The following PUS10 variants were observed in gnomAD, a reference collection of about 807,000 sequenced individuals.
PUS10 encodes the protein tRNA pseudouridine synthase Pus10.
In PUS10, 59 loss-of-function variants were observed where a neutral mutation model predicts 75.0. That is an observed-to-expected ratio of 0.79 (90% CI 0.64 to 0.98). PUS10 has a LOEUF of 0.98. Ranked by LOEUF, PUS10 falls within the 50% of genes least tolerant of loss-of-function variation. PUS10 has a pLI of 0.00. For synonymous variants in PUS10, 219 were observed against 211.6 expected (o/e 1.03, Z -0.30); for missense variants, 650 against 614.4 (o/e 1.06, Z -0.61).
intron 2 of PUS10, chr2:61,010,929 G>C: frequency 6.5e-7 from 1 of 1,538,724 alleles, no homozygotes; most frequent in Non-Finnish European, 8.8e-7. Flanking sequence ...TACCTAATCA[G>C]TTATTATGAG....
Position 60,971,511 on chromosome 2 carries a change from T to C in PUS10, c.503+12A>G. The C allele has an allele frequency of 3.1e-6, 5 of 1,612,780 alleles. No individual in the cohort carries two copies. The highest frequency in any genetic ancestry group is 4.2e-6 in the Non-Finnish European group (5 of 1,178,798). ...TGAATGGTAGTAAAAATTCCCTACC[T>C]AAATTACTTACCCCATTTCCTGTTT... On this transcript the variant is annotated intron_variant, in intron 5 of 17. Coordinates refer to ENST00000316752, the MANE Select transcript of PUS10 (RefSeq NM_144709.4).
At chr2:60,943,549 G>A (rs1002533638) in intron 17 of PUS10, among the ~76,000 whole-genome samples, 2 of 151,152 alleles carry the variant, frequency 1.3e-5, no homozygotes, top group African/African-American at 4.9e-5. Flanking sequence ...ATTATTTACT[G>A]AAAATTTTTT....
intron 1 of PUS10, among the ~76,000 whole-genome samples, chr2:61,012,960 T>C (rs1332947439): frequency 1.4e-5 from 2 of 140,174 alleles, no homozygotes; most frequent in African/African-American, 2.7e-5. Flanking sequence ...CATGAAAAAC[T>C]AGGCAAGGTG....
chr2:60,961,678 T>G, intron 9 of PUS10, 130 bp from the exon 10 acceptor site: 1 of 779,710 alleles, frequency 1.3e-6, no homozygotes, highest in South Asian at 1.6e-5. Context: ...TTCGCAACAA[T>G]ACAGGTCTTG....
chr2:60,947,969 G>T, intron 16 of PUS10, 74 bp downstream of exon 16: 1 of 1,545,294 alleles, frequency 6.5e-7, no homozygotes, highest in Non-Finnish European at 8.9e-7. Flanking sequence ...AGCTGACCCT[G>T]TTTTCTAGGG....
rs780129575 is a variant in PUS10 at position 60,954,168 on chromosome 2, C to T, written c.1058-10G>A. The T allele has an allele frequency of 5.0e-6, 8 of 1,613,740 alleles. No homozygotes were observed. In the East Asian group the frequency reaches 1.1e-4, roughly 22 times the overall value. On this transcript the variant is annotated splice_polypyrimidine_tract_variant and intron_variant, in intron 12 of 17. Transcript: ENST00000316752. ...ATTGCAAAGGGCCTTCCTGGCAGCA[C>T]ACACCCCGTCATGAAACAGAAACGT...
chr2:61,014,678 A>G (rs141112762), intron 1 of PUS10, among the ~76,000 whole-genome samples: 6 of 152,296 alleles, frequency 3.9e-5, no homozygotes, highest in Admixed American at 3.9e-4. Context: ...TTGCATGGCA[A>G]TCTTATGGCA....
chr2:60,961,683 G>A (rs1010158145), intron 9 of PUS10, 135 bp from the exon 10 acceptor site: 3 of 739,170 alleles, frequency 4.1e-6, no homozygotes, highest in South Asian at 1.6e-5. Flanking sequence ...AACAATACAG[G>A]TCTTGCAGGC....
intron 4 of PUS10, among the ~76,000 whole-genome samples, chr2:60,999,724 T>G (rs929624950): frequency 6.6e-6 from 1 of 152,196 alleles, no homozygotes; most frequent in African/African-American, 2.4e-5. Context: ...GTGCACACTT[T>G]CTTTCTATGT....
chr2:60,983,065 T>C (rs887940043), intron 4 of PUS10, among the ~76,000 whole-genome samples: 63 of 152,268 alleles, frequency 4.1e-4, no homozygotes, highest in African/African-American at 1.4e-3. Flanking sequence ...AGCTAATTTT[T>C]TGTCTTGGTA....
chr2:61,004,983 A>G (rs1679110257), intron 4 of PUS10, among the ~76,000 whole-genome samples: 1 of 152,150 alleles, frequency 6.6e-6, no homozygotes, highest in African/African-American at 2.4e-5. Context: ...GGCCGGGCAC[A>G]GTGACTCATG....
intron 1 of PUS10, among the ~76,000 whole-genome samples, chr2:61,014,571 A>C (rs531669031): frequency 6.6e-6 from 1 of 152,340 alleles, no homozygotes; most frequent in African/African-American, 2.4e-5. Flanking sequence ...AAAAATTCAA[A>C]CAACCTAATT....
At chr2:60,951,035 C>T (rs942613562) in intron 15 of PUS10, among the ~76,000 whole-genome samples, 6 of 152,156 alleles carry the variant, frequency 3.9e-5, no homozygotes, top group South Asian at 2.1e-4. Flanking sequence ...CTTAGTGTTA[C>T]GTCAACCTTT....
intron 1 of PUS10, chr2:61,017,638 T>C: frequency 1.4e-6 from 1 of 714,800 alleles, no homozygotes; most frequent in South Asian, 1.8e-5. Flanking sequence ...TTGTCCTGAC[T>C]GCAAGGGTGG....
chr2:60,968,799 C>A (rs892996753), intron 5 of PUS10, among the ~76,000 whole-genome samples: 3 of 152,006 alleles, frequency 2.0e-5, no homozygotes, highest in African/African-American at 7.2e-5. Context: ...ATTGAAATAC[C>A]CAGATAAACT....
Position 60,942,357 on chromosome 2 carries a change from G to T in PUS10, c.*38C>A. 6.3e-7 allele frequency: 1 copy of T among 1,591,728 alleles called. No homozygotes were observed. Among genetic ancestry groups the T allele is most frequent in the East Asian group, 2.2e-5 (1 of 44,776 alleles). On this transcript the variant is annotated 3_prime_UTR_variant, in exon 18 of 18. Coordinates refer to ENST00000316752, the MANE Select transcript of PUS10 (RefSeq NM_144709.4). ...TGTGCTCCATGGATGTCCACATCAT[G>T]CCAGGAAAACCATACTCTTTGTCTC...
intron 16 of PUS10, among the ~76,000 whole-genome samples, chr2:60,946,410 G>T (rs1674947928): frequency 6.6e-6 from 1 of 152,154 alleles, no homozygotes; most frequent in Non-Finnish European, 1.5e-5. Flanking sequence ...TTAAGTACAT[G>T]TACATGGCTT....
intron 4 of PUS10, among the ~76,000 whole-genome samples, chr2:60,982,959 G>A (rs993902968): frequency 1.3e-5 from 2 of 151,926 alleles, no homozygotes; most frequent in Non-Finnish European, 2.9e-5. Context: ...CAGCTGAATT[G>A]TATTCCCTTC....
At chr2:60,967,235 G>A (rs1006820584) in intron 6 of PUS10, 4 of 293,336 alleles carry the variant, frequency 1.4e-5, no homozygotes, top group Non-Finnish European at 2.5e-5. Context: ...TCAAGGCAAA[G>A]ATTCATTTCT....
Sources: gnomAD v4.1 joint callset for allele counts (sites outside exome capture counted in the v4.1 genomes callset) on GRCh38, gnomAD v4.1.1 for gene constraint, MANE v1.5 for transcripts, NCBI Gene and HGNC (gene_info 2026-07-23, HGNC 2026-07-21) for gene names.